Variants in MEI1 observed in about 807,000 individuals in gnomAD.
MEI1 encodes meiotic double-stranded break formation protein 1, also known as meiosis inhibitor protein 1.
A neutral mutation model predicts 146.2 loss-of-function variants in MEI1; 103 were observed. The observed-to-expected ratio is 0.70, with a 90% CI of 0.60 to 0.83. The LOEUF (loss-of-function observed/expected upper bound fraction) is 0.83. Ranked by LOEUF, MEI1 falls within the 40% of genes least tolerant of loss-of-function variation. MEI1 has a pLI of 0.00. For missense variants in MEI1, 1,529 were observed against 1,533.0 expected (o/e 1.00, Z 0.04); for synonymous variants, 652 against 628.2 (o/e 1.04, Z -0.57).
chr22:41,761,838 C>A (rs1257360003), intron 18 of MEI1, among the ~76,000 whole-genome samples: 1 of 152,194 alleles, frequency 6.6e-6, no homozygotes, highest in Non-Finnish European at 1.5e-5. Context: ...TTTGGAGTTA[C>A]CTATTCTGAA....
chr22:41,725,322 C>G lies in MEI1; in HGVS notation c.864+1249C>G, dbSNP rs996114335. 1.6e-4 allele frequency among the ~76,000 whole-genome samples: 25 copies of G among 151,980 alleles called. 1 individual carries two copies. Among genetic ancestry groups the G allele is most frequent in the Admixed American group, 1.3e-3 (20 of 15,262 alleles). On this transcript the variant is annotated intron_variant, in intron 7 of 30. Coordinates refer to ENST00000401548, the MANE Select transcript of MEI1 (RefSeq NM_152513.4). ...AGAGACGGGGCTTCACCATGCTGGC[C>G]AGGCTGGTCTCAAACTGCTGACCTT...
chr22:41,799,199 G>T (rs1254062242), intron 30 of MEI1, 55 bp from the exon 31 acceptor site: 1 of 1,554,052 alleles, frequency 6.4e-7, no homozygotes, highest in East Asian at 2.3e-5. Flanking sequence ...GAAGTGTGAT[G>T]CCCCCATGGT....
chr22:41,733,231 A>G (rs1371154193), intron 11 of MEI1, among the ~76,000 whole-genome samples: 2 of 151,242 alleles, frequency 1.3e-5, no homozygotes, highest in African/African-American at 4.9e-5. Context: ...GGGTTGGATC[A>G]CCTGAGCCCA....
chr22:41,712,405 T>G (rs1256131040), intron 3 of MEI1, among the ~76,000 whole-genome samples: 6 of 150,998 alleles, frequency 4.0e-5, no homozygotes, highest in African/African-American at 1.2e-4. Flanking sequence ...CGGCTAATTT[T>G]TTTGTATTTT....
At chr22:41,725,355 G>A (rs1049980974) in intron 7 of MEI1, among the ~76,000 whole-genome samples, 2 of 151,884 alleles carry the variant, frequency 1.3e-5, no homozygotes, top group Non-Finnish European at 2.9e-5. Flanking sequence ...CTTGTGATCC[G>A]CCTGCCTCGG....
Position 41,743,107 on chromosome 22 carries a change from G to T in MEI1, c.1359G>T (p.Val453=), listed in dbSNP as rs2073016117. 1 of 1,613,044 alleles carries T rather than the reference G, an allele frequency of 6.2e-7. No homozygotes were observed. Among genetic ancestry groups the T allele is most frequent in the Non-Finnish European group, 8.5e-7 (1 of 1,179,708 alleles). The change falls in exon 12 of 31, where the codon GTG becomes GTT. Residue 453 remains valine (V), a synonymous_variant. Transcript: ENST00000401548. ...LRKDHQSTPP[V]QYGELQALLE... ...AGGACCATCAGAGCACTCCACCTGT[G>T]CAGTATGGGGAACTGCAGGCTTTGC...
chr22:41,786,704 G>A (rs1170930484), intron 26 of MEI1, among the ~76,000 whole-genome samples: 1 of 152,214 alleles, frequency 6.6e-6, no homozygotes, highest in Non-Finnish European at 1.5e-5. Flanking sequence ...TCTCCTGGAG[G>A]CCAGAGCATG....
chr22:41,743,389 G>C (rs1031289714), intron 12 of MEI1, among the ~76,000 whole-genome samples, 195 bp downstream of exon 12: 2 of 152,076 alleles, frequency 1.3e-5, no homozygotes, highest in African/African-American at 4.8e-5. Context: ...TTACAGATGG[G>C]GAAACTAAAG....
At chr22:41,767,957 A>G (rs2074958127) in intron 19 of MEI1, among the ~76,000 whole-genome samples, 1 of 152,208 alleles carries the variant, frequency 6.6e-6, no homozygotes, top group African/African-American at 2.4e-5. Flanking sequence ...TTTAATGTAC[A>G]GAAGTGGGAA....
intron 19 of MEI1, among the ~76,000 whole-genome samples, chr22:41,767,383 A>C (rs2074924214): frequency 6.6e-6 from 1 of 152,162 alleles, no homozygotes; most frequent in East Asian, 1.9e-4. Flanking sequence ...GGCCTTGGGC[A>C]GAGTTATCTC....
At chr22:41,704,799 C>T (rs112155969) in intron 2 of MEI1, among the ~76,000 whole-genome samples, 1 of 152,126 alleles carries the variant, frequency 6.6e-6, no homozygotes, top group African/African-American at 2.4e-5. Context: ...ACTTCAAGCT[C>T]CGCCTCCCAG....
intron 3 of MEI1, 68 bp from the exon 4 acceptor site, chr22:41,713,934 A>G: frequency 7.8e-7 from 1 of 1,279,002 alleles, no homozygotes; most frequent in Non-Finnish European, 1.1e-6. Flanking sequence ...ATTGAGTAGA[A>G]GGGCCATGGA....
At chr22:41,789,526 A>G (rs1009253739) in intron 26 of MEI1, among the ~76,000 whole-genome samples, 3 of 152,148 alleles carry the variant, frequency 2.0e-5, no homozygotes, top group Admixed American at 1.3e-4. Flanking sequence ...TTTTAAGTAT[A>G]TGGGTCAGTG....
chr22:41,777,954 TTCC>T (rs2075551960), intron 21 of MEI1, among the ~76,000 whole-genome samples: 1 of 151,636 alleles, frequency 6.6e-6, no homozygotes, highest in African/African-American at 2.4e-5. Flanking sequence ...CTTGTTCTTC[TTCC>T]TCTTTTCCTC....
chr22:41,779,476 C>A (rs2075641194), intron 22 of MEI1, among the ~76,000 whole-genome samples: 1 of 152,096 alleles, frequency 6.6e-6, no homozygotes, highest in African/African-American at 2.4e-5. Context: ...ATCTGTATGA[C>A]AGGCACAAGC....
chr22:41,770,350 A>T (rs1602059508), intron 19 of MEI1, among the ~76,000 whole-genome samples: 1 of 152,038 alleles, frequency 6.6e-6, no homozygotes, highest in Non-Finnish European at 1.5e-5. Flanking sequence ...ATTTTGCACC[A>T]GATCATTCTT....
chr22:41,770,253 G>A (rs1602059231), intron 19 of MEI1, among the ~76,000 whole-genome samples: 1 of 152,062 alleles, frequency 6.6e-6, no homozygotes, highest in Non-Finnish European at 1.5e-5. Flanking sequence ...TTTCAGTCTA[G>A]TGTGGGAAGT....
At position 41,734,335 on chromosome 22, in the gene MEI1, A is replaced by G. The variant is rs868280041; in HGVS notation, c.1331+1732A>G. ...AGACGGGGCGCGGTGGCTCACGCCTATAATCCCAGCACTTTGGGAGGCTGA... is the reference window on the plus strand; with the variant it reads ...AGACGGGGCGCGGTGGCTCACGCCTGTAATCCCAGCACTTTGGGAGGCTGA... On this transcript the variant is annotated intron_variant, in intron 11 of 30. Transcript: ENST00000401548. Among the ~76,000 whole-genome samples, 6 of 152,110 alleles carry G rather than the reference A, an allele frequency of 3.9e-5. No homozygotes were observed. In the South Asian group the frequency reaches 1.2e-3, roughly 32 times the overall value.
intron 11 of MEI1, among the ~76,000 whole-genome samples, chr22:41,735,104 G>A (rs886663714): frequency 4.0e-5 from 6 of 151,686 alleles, no homozygotes; most frequent in African/African-American, 1.2e-4. Context: ...TGGGACTACA[G>A]GCGCGCGCCA....
Sources: allele counts gnomAD v4.1 joint callset (sites outside exome capture counted in the v4.1 genomes callset), GRCh38; gene constraint gnomAD v4.1.1; transcripts MANE v1.5; gene names NCBI Gene and HGNC (gene_info 2026-07-23, HGNC 2026-07-21).